WWOX: variants seen among roughly 807,000 people sequenced by gnomAD.
WWOX encodes WW domain containing oxidoreductase.
A neutral mutation model predicts 46.2 loss-of-function variants in WWOX; 69 were observed. The observed-to-expected ratio is 1.49, with a 90% CI of 1.23 to 1.82. The LOEUF (loss-of-function observed/expected upper bound fraction) is 1.82, where lower values mean the gene tolerates loss of function less well. Among genes scored for constraint, WWOX ranks in the 40% most tolerant of loss-of-function variants. WWOX has a pLI of 0.00. For synonymous variants in WWOX, 359 were observed against 202.6 expected (o/e 1.77, Z -6.56); for missense variants, 919 against 542.6 (o/e 1.69, Z -6.89).
chr16:78,851,606 C>T (rs533154053), intron 8 of WWOX, among the ~76,000 whole-genome samples: 8 of 152,304 alleles, frequency 5.3e-5, no homozygotes, highest in African/African-American at 1.9e-4. Context: ...TCTCATTCAC[C>T]ACTTTGTCCA....
chr16:78,744,462 C>CTG (rs1442873384), intron 8 of WWOX, among the ~76,000 whole-genome samples: 1 of 105,204 alleles, frequency 9.5e-6, no homozygotes, highest in African/African-American at 3.8e-5. Context: ...AACGGAGTAT[C>CTG]TGTCTCTCAC....
intron 8 of WWOX, among the ~76,000 whole-genome samples, chr16:78,723,629 T>TCTCTTCTCTTCTCTTCTCTTTTC (rs2048752454): frequency 3.3e-5 from 3 of 90,274 alleles, no homozygotes; most frequent in Admixed American, 1.2e-4. Flanking sequence ...TTTCTTTTCT[T>TCTCTTCTCTTCTCTTCTCTTTTC]TTTTCTTTTC....
At chr16:78,303,524 T>G (rs1226983031) in intron 5 of WWOX, among the ~76,000 whole-genome samples, 1 of 152,072 alleles carries the variant, frequency 6.6e-6, no homozygotes, top group Non-Finnish European at 1.5e-5. Context: ...TCGTTTTTGT[T>G]TTTTGTTTTT....
intron 8 of WWOX, among the ~76,000 whole-genome samples, chr16:78,920,563 C>T (rs768962524): frequency 4.6e-5 from 7 of 152,080 alleles, no homozygotes; most frequent in Non-Finnish European, 8.8e-5. Flanking sequence ...GTTCCCTGCC[C>T]TTGTTAAATG....
At chr16:78,455,411 T>G (rs2083789877) in intron 8 of WWOX, among the ~76,000 whole-genome samples, 1 of 151,928 alleles carries the variant, frequency 6.6e-6, no homozygotes, top group Non-Finnish European at 1.5e-5. Flanking sequence ...GAGGCCAAGG[T>G]GGACGGATCA....
At position 78,694,161 on chromosome 16, in the gene WWOX, T is replaced by C. The variant is rs570505156; in HGVS notation, c.1056+261409T>C. 3.3e-5 allele frequency among the ~76,000 whole-genome samples: 5 copies of C among 152,156 alleles called. No homozygotes were observed. In the South Asian group the frequency reaches 1.0e-3, roughly 32 times the overall value. The stretch of plus-strand genomic sequence containing the variant: ...GCAGGAGGCAGAGGTTGCGGTGAGC[T>C]GAGATCGCACTACTTCATTCCAGCC... On this transcript the variant is annotated intron_variant, in intron 8 of 8. Coordinates refer to ENST00000566780, the MANE Select transcript of WWOX (RefSeq NM_016373.4).
intron 4 of WWOX, among the ~76,000 whole-genome samples, chr16:78,151,133 T>G (rs1298826686): frequency 1.3e-5 from 2 of 151,964 alleles, no homozygotes; most frequent in African/African-American, 4.8e-5. Context: ...TGCCTCAGCT[T>G]CCCAATGTGC....
chr16:78,268,254 A>G (rs1382696962), intron 5 of WWOX, among the ~76,000 whole-genome samples: 2 of 152,230 alleles, frequency 1.3e-5, no homozygotes, highest in Non-Finnish European at 2.9e-5. Context: ...AAAAAGTAGC[A>G]TTCTATTTTT....
intron 5 of WWOX, among the ~76,000 whole-genome samples, chr16:78,366,097 A>G (rs767079103): frequency 6.6e-6 from 1 of 152,184 alleles, no homozygotes; most frequent in African/African-American, 2.4e-5. Flanking sequence ...ATGCCCAGGT[A>G]TTAGCATACT....
intron 4 of WWOX, among the ~76,000 whole-genome samples, chr16:78,117,995 C>T (rs554912356): frequency 9.4e-5 from 14 of 148,672 alleles, no homozygotes; most frequent in South Asian, 8.5e-4. Flanking sequence ...TTACAAAGGC[C>T]GATTTGCAAA....
At chr16:79,015,851 A>C (rs1355742669) in intron 8 of WWOX, among the ~76,000 whole-genome samples, 2 of 152,186 alleles carry the variant, frequency 1.3e-5, no homozygotes, top group Non-Finnish European at 2.9e-5. Context: ...TCCCGGGTTC[A>C]TGTGATTGTC....
At chr16:78,710,175 A>G (rs1393742602) in intron 8 of WWOX, among the ~76,000 whole-genome samples, 2 of 151,976 alleles carry the variant, frequency 1.3e-5, no homozygotes, top group Non-Finnish European at 1.5e-5. Context: ...CTAGAGGCCT[A>G]AGAACAGGCT....
At chr16:79,172,894 G>A (rs1372628057) in intron 8 of WWOX, among the ~76,000 whole-genome samples, 5 of 151,684 alleles carry the variant, frequency 3.3e-5, no homozygotes, top group Admixed American at 1.3e-4. Flanking sequence ...AGTGGTGTGC[G>A]CCTGTAGTCC....
chr16:78,613,039 A>T (rs553127896), intron 8 of WWOX, among the ~76,000 whole-genome samples: 47 of 152,090 alleles, frequency 3.1e-4, no homozygotes, highest in Non-Finnish European at 5.4e-4. Flanking sequence ...GTTCCCCAAG[A>T]GGTGCCTCTT....
chr16:78,211,479 G>A (rs962782040), intron 5 of WWOX, among the ~76,000 whole-genome samples: 5 of 152,088 alleles, frequency 3.3e-5, no homozygotes, highest in African/African-American at 9.7e-5. Flanking sequence ...AAGAGAGAGC[G>A]ATCACACCTG....
intron 8 of WWOX, among the ~76,000 whole-genome samples, chr16:78,843,834 A>G (rs988495694): frequency 2.6e-5 from 4 of 152,154 alleles, no homozygotes; most frequent in East Asian, 1.9e-4. Context: ...CACAATCCCT[A>G]TTTTTAGAGG....
At chr16:78,218,994 A>C (rs981058612) in intron 5 of WWOX, among the ~76,000 whole-genome samples, 2 of 152,216 alleles carry the variant, frequency 1.3e-5, no homozygotes, top group Non-Finnish European at 2.9e-5. Context: ...CTTTTATGCA[A>C]CTTGATGTTT....
chr16:78,805,511 C>A (rs1040596586), intron 8 of WWOX, among the ~76,000 whole-genome samples: 1 of 152,076 alleles, frequency 6.6e-6, no homozygotes, highest in Non-Finnish European at 1.5e-5. Flanking sequence ...TCTCGATTTC[C>A]TGACATCGTG....
intron 8 of WWOX, among the ~76,000 whole-genome samples, chr16:79,001,248 TC>T (rs2047087078): frequency 6.6e-6 from 1 of 152,094 alleles, no homozygotes; most frequent in African/African-American, 2.4e-5. Flanking sequence ...CAGCTTTGCC[TC>T]CTCTCCCAAG....
Sources: gnomAD v4.1 joint callset for allele counts (sites outside exome capture counted in the v4.1 genomes callset) on GRCh38, gnomAD v4.1.1 for gene constraint, MANE v1.5 for transcripts, NCBI Gene and HGNC (gene_info 2026-07-23, HGNC 2026-07-21) for gene names.